The following ERC2 variants were observed in gnomAD, a reference collection of about 807,000 sequenced individuals.
ERC2 encodes the protein ELKS/RAB6-interacting/CAST family member 2.
ERC2 carries 42 observed loss-of-function variants against 114.8 expected under a neutral mutation model. That is an observed-to-expected ratio of 0.37 (90% confidence interval 0.29 to 0.47). The LOEUF (loss-of-function observed/expected upper bound fraction) is 0.47, where lower values mean the gene tolerates loss of function less well. Among genes scored for constraint, ERC2 ranks in the 20% least tolerant of loss-of-function variants. The pLI is 0.99. For synonymous variants in ERC2, 454 were observed against 425.5 expected, an observed-to-expected ratio of 1.07 and a Z score of -0.82; for missense variants, 939 against 1,150.7, an observed-to-expected ratio of 0.82 and a Z score of 2.66.
intron 4 of ERC2, among the ~76,000 whole-genome samples, chr3:56,154,393 T>A (rs2081584240): frequency 6.6e-6 from 1 of 152,202 alleles, no homozygotes; most frequent in Non-Finnish European, 1.5e-5. Context: ...AAGGTTGGAC[T>A]AGATCAAATG....
In ERC2 at chr3:56,434,751, G is replaced by T. The variant is rs767270000; in HGVS notation, c.257C>A (p.Thr86Lys). ...PKGTMTLGRA[T>K]NRAVYGGRVT... Reference sequence around the variant, plus strand: ...ACGGCCTCCATATACAGCTCGATTTGTAGCCCTTCCCAGAGTCATAGTGCC... The same window carrying T: ...ACGGCCTCCATATACAGCTCGATTTTTAGCCCTTCCCAGAGTCATAGTGCC... The change falls in exon 2 of 18, where the codon ACA (threonine) becomes AAA (lysine). Residue 86 changes from threonine (T) to lysine (K), a missense_variant. Physicochemically the swap from Thr to Lys is moderately conservative, Grantham distance 78 (BLOSUM62 -1). Transcript: ENST00000288221. 7 of 1,613,984 alleles carry T rather than the reference G, an allele frequency of 4.3e-6. No individual in the cohort carries two copies. The South Asian group carries it at 7.7e-5, about 18-fold the overall frequency.
intron 4 of ERC2, among the ~76,000 whole-genome samples, chr3:56,154,977 C>T (rs1439171325): frequency 6.6e-6 from 1 of 152,174 alleles, no homozygotes; most frequent in Non-Finnish European, 1.5e-5. Context: ...ATGTTCCTAA[C>T]CTTGCTAATC....
At chr3:56,194,451 G>A (rs546202947) in intron 3 of ERC2, among the ~76,000 whole-genome samples, 34 of 152,200 alleles carry the variant, frequency 2.2e-4, no homozygotes, top group Non-Finnish European at 3.1e-4. Context: ...GAGTGAGACC[G>A]TCTCTTAAAA....
chr3:56,073,033 A>G (rs547156345), intron 7 of ERC2, among the ~76,000 whole-genome samples: 1 of 152,314 alleles, frequency 6.6e-6, no homozygotes, highest in East Asian at 1.9e-4. Flanking sequence ...GTTAGACAGA[A>G]AGAGTAACAG....
At chr3:56,026,693 C>T (rs2074075340) in intron 7 of ERC2, among the ~76,000 whole-genome samples, 2 of 152,078 alleles carry the variant, frequency 1.3e-5, no homozygotes, top group African/African-American at 4.8e-5. Flanking sequence ...TATTCTTTAC[C>T]TAGTTTCTGC....
chr3:55,620,101 T>A (rs1439813785), intron 17 of ERC2, among the ~76,000 whole-genome samples: 1 of 152,186 alleles, frequency 6.6e-6, no homozygotes, highest in Non-Finnish European at 1.5e-5. Context: ...CTGTTTGCCT[T>A]TTACCTCAAA....
At chr3:56,030,836 A>G (rs925104848) in intron 7 of ERC2, among the ~76,000 whole-genome samples, 3 of 152,206 alleles carry the variant, frequency 2.0e-5, no homozygotes, top group Non-Finnish European at 2.9e-5. Flanking sequence ...CTCAGTGAAG[A>G]GAGTAAGAAC....
intron 3 of ERC2, among the ~76,000 whole-genome samples, chr3:56,290,924 T>A (rs1366345907): frequency 1.3e-5 from 2 of 152,126 alleles, no homozygotes; most frequent in African/African-American, 4.8e-5. Flanking sequence ...AAGACTTGGG[T>A]GCTCTTCTGG....
chr3:55,627,843 T>G (rs1459395588), intron 17 of ERC2, among the ~76,000 whole-genome samples: 2 of 149,670 alleles, frequency 1.3e-5, no homozygotes, highest in Non-Finnish European at 3.0e-5. Flanking sequence ...GGAATTTTAA[T>G]AGAACTTGGA....
Position 56,112,698 on chromosome 3 carries a change from A to G in ERC2, c.1473+26811T>C, listed in dbSNP as rs1430250177. Among the ~76,000 whole-genome samples the G allele has an allele frequency of 2.0e-5, 3 of 152,178 alleles. No homozygotes were observed. The East Asian group carries it at 5.8e-4, about 29-fold the overall frequency. ...CATGCACTTCACTAAGTTCATACAT[A>G]TATTAGGAGAAAACCAGGAGGGATG... On this transcript the variant is annotated intron_variant, in intron 6 of 17. Coordinates refer to ENST00000288221, the MANE Select transcript of ERC2 (RefSeq NM_015576.3).
chr3:56,182,498 C>T (rs11914695), intron 3 of ERC2, among the ~76,000 whole-genome samples: 3,206 of 152,296 alleles, frequency 0.021, 97 homozygotes, highest in African/African-American at 0.068. Flanking sequence ...CATTGCTATG[C>T]GCTAAGCACT....
intron 2 of ERC2, among the ~76,000 whole-genome samples, chr3:56,385,308 T>C (rs1052942192): frequency 3.9e-5 from 6 of 152,238 alleles, no homozygotes; most frequent in African/African-American, 1.4e-4. Context: ...CAAGCAGCAA[T>C]CTGGTGCCTC....
At chr3:55,583,541 C>G (rs1575658093) in intron 17 of ERC2, among the ~76,000 whole-genome samples, 1 of 38,218 alleles carries the variant, frequency 2.6e-5, no homozygotes, top group Non-Finnish European at 5.6e-5. Flanking sequence ...TCCTTCCTTC[C>G]TTTCTTCCTT....
At chr3:55,716,208 C>A (rs2064113068) in intron 15 of ERC2, among the ~76,000 whole-genome samples, 1 of 152,100 alleles carries the variant, frequency 6.6e-6, no homozygotes, top group South Asian at 2.1e-4. Context: ...CAAAGCCAAC[C>A]TCTCACTTTC....
intron 1 of ERC2, among the ~76,000 whole-genome samples, chr3:56,438,489 C>G (rs567457423): frequency 1.3e-5 from 2 of 150,962 alleles, no homozygotes; most frequent in Non-Finnish European, 3.0e-5. Flanking sequence ...GATTGGCCTT[C>G]TGTGCAGCAA....
intron 3 of ERC2, among the ~76,000 whole-genome samples, chr3:56,184,658 C>T (rs1410251656): frequency 1.3e-5 from 2 of 152,248 alleles, no homozygotes; most frequent in Admixed American, 6.5e-5. Flanking sequence ...GGTCTAAACT[C>T]GCTCTTTTAA....
intron 4 of ERC2, among the ~76,000 whole-genome samples, chr3:56,152,417 A>AG (rs34369328): frequency 0.02 from 2,965 of 149,350 alleles, 131 homozygotes; most frequent in Admixed American, 0.092. Flanking sequence ...TTTAAAATGA[A>AG]GGGGGGGGGG....
intron 15 of ERC2, among the ~76,000 whole-genome samples, chr3:55,707,139 A>G (rs1407513176): frequency 1.3e-5 from 2 of 152,136 alleles, no homozygotes; most frequent in Non-Finnish European, 2.9e-5. Flanking sequence ...TATGTTGCTA[A>G]GTTGCTTTCT....
In ERC2 at chr3:56,434,460, T is replaced by C. The variant is rs761048429; in HGVS notation, c.548A>G (p.Lys183Arg). ...SKLGSSMNSI[K>R]TFWSPELKKE... ...CTTAAGCTCAGGACTCCAGAAAGTCTTAATACTGTTCATGGAAGATCCCAA... is the reference window on the plus strand; with the variant it reads ...CTTAAGCTCAGGACTCCAGAAAGTCCTAATACTGTTCATGGAAGATCCCAA... Residue 183 changes from lysine (K) to arginine (R), a missense_variant, in exon 2 of 18, where the codon AAG becomes AGG. By Grantham distance (26) the Lys-to-Arg change is conservative (BLOSUM62 2). This residue lies in a region of ERC2 where 281 missense variants were observed against 307.4 expected (regional missense o/e 0.91). Transcript: ENST00000288221. 1.9e-6 allele frequency: 3 copies of C among 1,614,038 alleles called. No individual in the cohort carries two copies. The South Asian group carries it at 3.3e-5, about 18-fold the overall frequency.
Sources: allele counts gnomAD v4.1 joint callset (sites outside exome capture counted in the v4.1 genomes callset), GRCh38; gene constraint gnomAD v4.1.1; regional missense constraint gnomAD v4.1.1; transcripts MANE v1.5; gene names NCBI Gene and HGNC (gene_info 2026-07-23, HGNC 2026-07-21).